The following KCTD8 variants were observed in gnomAD, a reference collection of about 807,000 sequenced individuals.
KCTD8 encodes potassium channel tetramerization domain containing 8, also known as BTB/POZ domain-containing protein KCTD8.
A neutral mutation model predicts 31.5 loss-of-function variants in KCTD8; 27 were observed. The ratio of observed to expected loss-of-function variants is 0.86; its 90% CI spans 0.63 to 1.18. The LOEUF is 1.18. Ranked by LOEUF, KCTD8 falls within the 50% of genes most tolerant of loss-of-function variation. The pLI, the probability that KCTD8 is intolerant of heterozygous loss-of-function variation, is 0.00. For missense variants in KCTD8, 658 were observed against 647.7 expected (o/e 1.02, Z -0.17); for synonymous variants, 290 against 280.0 (o/e 1.04, Z -0.36).
chr4:44,404,950 C>G (rs2109459237), intron 1 of KCTD8, among the ~76,000 whole-genome samples: 1 of 152,124 alleles, frequency 6.6e-6, no homozygotes, highest in South Asian at 2.1e-4. Flanking sequence ...ATTTGAAGTA[C>G]AATACTCTGG....
chr4:44,385,904 C>T (rs186075766), intron 1 of KCTD8, among the ~76,000 whole-genome samples: 1 of 151,560 alleles, frequency 6.6e-6, no homozygotes, highest in East Asian at 2.0e-4. Flanking sequence ...CTTGAATAGA[C>T]ATTTCTCCAA....
At chr4:44,429,469 T>C (rs6447334) in intron 1 of KCTD8, among the ~76,000 whole-genome samples, 95,537 of 151,066 alleles carry the variant, frequency 0.63, 31,624 homozygotes, top group Non-Finnish European at 0.74. Context: ...GTGGAGACCA[T>C]TGAAGGGGCT....
intron 1 of KCTD8, among the ~76,000 whole-genome samples, chr4:44,434,289 T>G (rs1225805991): frequency 6.6e-6 from 1 of 151,944 alleles, no homozygotes; most frequent in Middle Eastern, 3.2e-3. Context: ...AGTAAAATAG[T>G]TAACTTTAGT....
rs143071896 is a variant in KCTD8, at chr4:44,187,958, A to AACACAC, written c.962-12714_962-12709dup. 5.8e-3 allele frequency among the ~76,000 whole-genome samples: 837 copies of AACACAC among 144,642 alleles called. 4 individuals are homozygous for AACACAC. Among genetic ancestry groups the AACACAC allele is most frequent in the African/African-American group, 0.02 (768 of 39,370 alleles). 94.9% of individuals were successfully genotyped at this position (144,642 alleles called of 152,430 possible). On this transcript the variant is annotated intron_variant, in intron 1 of 1. Transcript: ENST00000360029. ...GGAAGCAGAGGTTGTGGAAGAGGTA[A>AACACAC]ACACACACACACACACACACACACA... is the stretch of plus-strand genomic sequence containing the variant.
At chr4:44,326,943 A>G (rs1718456269) in intron 1 of KCTD8, among the ~76,000 whole-genome samples, 1 of 151,598 alleles carries the variant, frequency 6.6e-6, no homozygotes, top group Non-Finnish European at 1.5e-5. Context: ...TACTTCATCT[A>G]CTCATCAGCT....
chr4:44,294,313 C>T (rs753707395), intron 1 of KCTD8, among the ~76,000 whole-genome samples: 6 of 152,112 alleles, frequency 3.9e-5, no homozygotes, highest in Admixed American at 6.6e-5. Context: ...GACTCCTTTG[C>T]CCGCTGGTGC....
chr4:44,430,851 C>T (rs1469308865), intron 1 of KCTD8, among the ~76,000 whole-genome samples: 1 of 151,584 alleles, frequency 6.6e-6, no homozygotes, highest in East Asian at 1.9e-4. Context: ...CCTTTTACTC[C>T]ACCTCCCCAC....
At chr4:44,394,489 C>T (rs1289350968) in intron 1 of KCTD8, among the ~76,000 whole-genome samples, 1 of 152,076 alleles carries the variant, frequency 6.6e-6, no homozygotes, top group Non-Finnish European at 1.5e-5. Context: ...AATGTCTGTG[C>T]AATATGTATT....
chr4:44,175,307 G>A, intron 1 of KCTD8, 57 bp from the exon 2 acceptor site: 13 of 1,054,902 alleles, frequency 1.2e-5, no homozygotes, highest in South Asian at 7.5e-5. Context: ...GAAGTGTGAA[G>A]GTAAAATTAA....
intron 1 of KCTD8, among the ~76,000 whole-genome samples, chr4:44,254,886 T>A (rs958908855): frequency 6.6e-6 from 1 of 151,892 alleles, no homozygotes; most frequent in African/African-American, 2.4e-5. Flanking sequence ...CATATATCTA[T>A]CTGGGCTTAT....
intron 1 of KCTD8, among the ~76,000 whole-genome samples, chr4:44,349,281 T>C (rs1046745949): frequency 5.9e-5 from 9 of 152,138 alleles, no homozygotes; most frequent in African/African-American, 1.9e-4. Context: ...TGGGAAAGCC[T>C]TCAGAATATG....
intron 1 of KCTD8, among the ~76,000 whole-genome samples, chr4:44,389,398 TACAC>T (rs1006604719): frequency 1.3e-5 from 2 of 151,764 alleles, no homozygotes; most frequent in African/African-American, 2.4e-5. Flanking sequence ...ACATCATAAA[TACAC>T]ACACATGAAA....
intron 1 of KCTD8, among the ~76,000 whole-genome samples, chr4:44,336,166 A>G (rs1361551684): frequency 3.4e-5 from 5 of 148,892 alleles, no homozygotes; most frequent in Admixed American, 2.7e-4. Context: ...AAAAAAAAAA[A>G]AAAAAAAAAA....
chr4:44,226,000 T>C (rs1165619869), intron 1 of KCTD8, among the ~76,000 whole-genome samples: 1 of 151,930 alleles, frequency 6.6e-6, no homozygotes, highest in Non-Finnish European at 1.5e-5. Flanking sequence ...TTTTGTTTTT[T>C]TGTATTTTTA....
chr4:44,246,172 T>A (rs1024121384), intron 1 of KCTD8, among the ~76,000 whole-genome samples: 15 of 152,058 alleles, frequency 9.9e-5, no homozygotes, highest in Non-Finnish European at 2.2e-4. Flanking sequence ...GTTCAAAGTA[T>A]CTAGAAATCT....
At chr4:44,354,306 CACT>C in intron 1 of KCTD8, among the ~76,000 whole-genome samples, 1 of 152,170 alleles carries the variant, frequency 6.6e-6, no homozygotes, top group East Asian at 1.9e-4. Flanking sequence ...CTGGCTTCAA[CACT>C]ACATTTCCAG....
intron 1 of KCTD8, among the ~76,000 whole-genome samples, chr4:44,217,676 A>G (rs1488239639): frequency 6.6e-6 from 1 of 152,164 alleles, no homozygotes; most frequent in Non-Finnish European, 1.5e-5. Context: ...AAACAGGCAG[A>G]AGAAGGTGGG....
At chr4:44,347,059 G>C (rs905768537) in intron 1 of KCTD8, among the ~76,000 whole-genome samples, 1 of 152,166 alleles carries the variant, frequency 6.6e-6, no homozygotes, top group Non-Finnish European at 1.5e-5. Flanking sequence ...ATCAAATACA[G>C]CCATGTTATG....
At chr4:44,289,479 C>A (rs143147294) in intron 1 of KCTD8, among the ~76,000 whole-genome samples, 2 of 152,014 alleles carry the variant, frequency 1.3e-5, no homozygotes, top group Non-Finnish European at 2.9e-5. Context: ...AGAGTTGATA[C>A]AGAGGCAATG....
Sources: allele counts gnomAD v4.1 joint callset (sites outside exome capture counted in the v4.1 genomes callset), GRCh38; gene constraint gnomAD v4.1.1; transcripts MANE v1.5; gene names NCBI Gene and HGNC (gene_info 2026-07-23, HGNC 2026-07-21).